The following DHX29 variants were observed in gnomAD, a reference collection of about 807,000 sequenced individuals.
DHX29 encodes DExH-box helicase 29.
A neutral mutation model predicts 167.9 loss-of-function variants in DHX29; 79 were observed. The observed-to-expected ratio is 0.47, with a 90% CI of 0.39 to 0.57. The LOEUF (loss-of-function observed/expected upper bound fraction) is 0.57. DHX29 is among the 20% of genes least tolerant of loss of function. The pLI is 0.00. For missense variants in DHX29, 1,347 were observed against 1,593.4 expected, an observed-to-expected ratio of 0.85 and a Z score of 2.63; for synonymous variants, 530 against 546.0, an observed-to-expected ratio of 0.97 and a Z score of 0.41.
intron 5 of DHX29, 51 bp from the exon 6 acceptor site, chr5:55,294,196 A>T: frequency 6.6e-7 from 1 of 1,513,276 alleles, no homozygotes; most frequent in East Asian, 2.3e-5. Context: ...AAAAGGTGTC[A>T]AAACTATCTT....
At chr5:55,301,248 T>A (rs1026224979) in intron 1 of DHX29, among the ~76,000 whole-genome samples, 1 of 152,186 alleles carries the variant, frequency 6.6e-6, no homozygotes, top group African/African-American at 2.4e-5. Flanking sequence ...ACATTACACA[T>A]CATGTAGCCA....
intron 23 of DHX29, among the ~76,000 whole-genome samples, chr5:55,265,103 A>G (rs1746492778): frequency 6.6e-6 from 1 of 151,634 alleles, no homozygotes; most frequent in African/African-American, 2.4e-5. Flanking sequence ...AGAAAAAAAA[A>G]AAAACAAAGA....
chr5:55,278,918 G>A (rs143643854), intron 12 of DHX29, among the ~76,000 whole-genome samples: 192 of 152,284 alleles, frequency 1.3e-3, no homozygotes, highest in Middle Eastern at 0.01. Context: ...GCCCTGTAAG[G>A]CCTTGTCAGC....
chr5:55,291,209 G>T (rs1460352607), intron 6 of DHX29, among the ~76,000 whole-genome samples: 2 of 152,150 alleles, frequency 1.3e-5, no homozygotes, highest in South Asian at 2.1e-4. Context: ...AGAGTTTAAA[G>T]TTAAACTCAA....
chr5:55,264,052 TG>T (rs1304856388), intron 23 of DHX29, among the ~76,000 whole-genome samples: 1 of 151,998 alleles, frequency 6.6e-6, no homozygotes, highest in Non-Finnish European at 1.5e-5. Context: ...CCTAGCACTT[TG>T]GGAGACTGAG....
intron 1 of DHX29, among the ~76,000 whole-genome samples, chr5:55,301,329 A>G (rs1385473068): frequency 6.6e-6 from 1 of 152,214 alleles, no homozygotes; most frequent in Non-Finnish European, 1.5e-5. Flanking sequence ...CAGAATTATT[A>G]TGAAAAGTTT....
In DHX29 at chr5:55,297,416, G is replaced by A; in HGVS notation, c.262-18C>T. 1 of 976,474 alleles carries A rather than the reference G, an allele frequency of 1.0e-6. No individual in the cohort carries two copies. The highest frequency in any genetic ancestry group is 1.6e-6 in the Non-Finnish European group (1 of 611,598). 60.5% of individuals were successfully genotyped at this position (976,474 alleles called of 1,614,324 possible). On this transcript the variant is annotated intron_variant, in intron 2 of 26. Coordinates refer to ENST00000251636, the MANE Select transcript of DHX29 (RefSeq NM_019030.4). ...ATTACCACCTGTTGAGGCCAAAAAG[G>A]TCATATCATTTAGAAGCTAAATTAT...
intron 2 of DHX29, 40 bp downstream of exon 2, chr5:55,298,551 G>A: frequency 8.2e-7 from 1 of 1,217,698 alleles, no homozygotes; most frequent in Middle Eastern, 1.9e-4. Context: ...AAAAAAGGGG[G>A]AAACATTTCT....
At chr5:55,272,971 A>C (rs1746925738) in intron 17 of DHX29, among the ~76,000 whole-genome samples, 1 of 152,252 alleles carries the variant, frequency 6.6e-6, no homozygotes, top group Admixed American at 6.5e-5. Context: ...CAGGATTTAA[A>C]TATCCAATCT....
At chr5:55,291,838 G>C (rs1253977404) in intron 6 of DHX29, among the ~76,000 whole-genome samples, 1 of 152,136 alleles carries the variant, frequency 6.6e-6, no homozygotes, top group African/African-American at 2.4e-5. Flanking sequence ...CCGTGTTGTA[G>C]CATGTACCAG....
intron 23 of DHX29, among the ~76,000 whole-genome samples, chr5:55,263,852 T>C (rs1246316658): frequency 1.3e-5 from 2 of 150,612 alleles, no homozygotes; most frequent in Non-Finnish European, 3.0e-5. Context: ...TTCATTCCAC[T>C]TAGAGAAGTC....
In DHX29 at chr5:55,283,548, T is replaced by C. The variant is rs192197014; in HGVS notation, c.1620A>G (p.Ser540=). ...DEDFSALSLE[S]ANVEDLEPVR... is the part of the protein sequence containing the mutation. ...CAGGTTCCAAATCTTCCACATTTGCTGATTCCAAGGACAGTGCAGAAAAAT... is the reference window on the plus strand; with the variant it reads ...CAGGTTCCAAATCTTCCACATTTGCCGATTCCAAGGACAGTGCAGAAAAAT... The change falls in exon 11 of 27, where the codon TCA becomes TCG. Residue 540 remains serine (S), a synonymous_variant. Coordinates refer to ENST00000251636, the MANE Select transcript of DHX29 (RefSeq NM_019030.4). 3.5e-5 allele frequency: 57 copies of C among 1,614,212 alleles called. No homozygotes were observed. The East Asian group carries it at 1.3e-3, about 36-fold the overall frequency.
chr5:55,302,839 G>A (rs1748674416), intron 1 of DHX29, among the ~76,000 whole-genome samples: 1 of 152,138 alleles, frequency 6.6e-6, no homozygotes, highest in African/African-American at 2.4e-5. Context: ...GCCAAGTAAA[G>A]TGCATAAGAT....
At chr5:55,288,701 T>C (rs1181542710) in intron 8 of DHX29, among the ~76,000 whole-genome samples, 2 of 152,144 alleles carry the variant, frequency 1.3e-5, no homozygotes, top group African/African-American at 4.8e-5. Flanking sequence ...CATGATTACT[T>C]GTCTGGTGGT....
chr5:55,281,153 A>G (rs1747390208), intron 12 of DHX29, among the ~76,000 whole-genome samples: 1 of 152,062 alleles, frequency 6.6e-6, no homozygotes, highest in African/African-American at 2.4e-5. Flanking sequence ...ATACACACAC[A>G]CAAATATATA....
At chr5:55,284,770 A>G (rs1412594971) in intron 10 of DHX29, among the ~76,000 whole-genome samples, 3 of 152,252 alleles carry the variant, frequency 2.0e-5, no homozygotes, top group South Asian at 2.1e-4. Flanking sequence ...CAATGTCTAC[A>G]TAATTTTTTT....
chr5:55,284,855 CCT>C (rs1446117880), intron 10 of DHX29, among the ~76,000 whole-genome samples: 4 of 151,988 alleles, frequency 2.6e-5, no homozygotes, highest in South Asian at 2.1e-4. Context: ...ATAGTGAGAC[CCT>C]GTCTCTATAC....
chr5:55,285,283 A>G lies in DHX29; in HGVS notation c.1356+10T>C, dbSNP rs1458151070. On this transcript the variant is annotated intron_variant, in intron 10 of 26. Coordinates refer to ENST00000251636, the MANE Select transcript of DHX29 (RefSeq NM_019030.4). The stretch of plus-strand genomic sequence containing the variant: ...CACATACAGATATAGTTAGGCCTAA[A>G]AAGTCTTACCTGCCCTTTAACTAAA... 1.2e-6 allele frequency: 2 copies of G among 1,612,882 alleles called. No individual in the cohort carries two copies. Among genetic ancestry groups the G allele is most frequent in the Non-Finnish European group, 1.7e-6 (2 of 1,179,660 alleles).
In DHX29 at chr5:55,256,072, T is replaced by G. The variant is rs1746037216; in HGVS notation, c.*416A>C. Among the ~76,000 whole-genome samples, 1 of 152,210 alleles carries G rather than the reference T, an allele frequency of 6.6e-6. No individual in the cohort carries two copies. The highest frequency in any genetic ancestry group is 2.1e-4 in the South Asian group (1 of 4,830). On this transcript the variant is annotated 3_prime_UTR_variant, in exon 27 of 27. Coordinates refer to ENST00000251636, the MANE Select transcript of DHX29 (RefSeq NM_019030.4). ...TGAAGTTGTTCCTTTTCATGGAAAT[T>G]TAATTATAATTGGTTTTGGAGATTA...
Sources: gnomAD v4.1 joint callset for allele counts (sites outside exome capture counted in the v4.1 genomes callset) on GRCh38, gnomAD v4.1.1 for gene constraint, MANE v1.5 for transcripts, NCBI Gene and HGNC (gene_info 2026-07-23, HGNC 2026-07-21) for gene names.